Variants in ZFC3H1 observed in about 807,000 individuals in gnomAD.
The protein encoded by ZFC3H1 is zinc finger C3H1 domain-containing protein.
In ZFC3H1, 71 loss-of-function variants were observed where a neutral mutation model predicts 243.7. The observed-to-expected ratio is 0.29, with a 90% confidence interval of 0.24 to 0.36. The LOEUF is 0.36. ZFC3H1 is among the 10% of genes least tolerant of loss of function. ZFC3H1 has a pLI of 1.00. For synonymous variants in ZFC3H1, 838 were observed against 813.0 expected (o/e 1.03, Z -0.52); for missense variants, 1,966 against 2,317.1 (o/e 0.85, Z 3.11).
At chr12:71,658,398 C>T (rs1881077926) in intron 1 of ZFC3H1, among the ~76,000 whole-genome samples, 1 of 148,322 alleles carries the variant, frequency 6.7e-6, no homozygotes, top group African/African-American at 2.5e-5. Flanking sequence ...AAGCAATTCT[C>T]CTGTCTCAGC....
intron 21 of ZFC3H1, 79 bp downstream of exon 21, chr12:71,627,672 G>C: frequency 7.3e-7 from 1 of 1,372,746 alleles, no homozygotes; most frequent in Non-Finnish European, 1.0e-6. Context: ...AAACCTGACT[G>C]ATTACCATAG....
rs12300097 is a variant in ZFC3H1, at chr12:71,623,639, G to A, written c.4507-42C>T. 4.3e-4 allele frequency: 583 copies of A among 1,361,352 alleles called. 5 individuals carry two copies. In the African/African-American group the frequency reaches 7.8e-3, roughly 18 times the overall value. The allele number at this position is 1,361,352 out of a possible 1,614,324, so 84.3% of individuals were successfully genotyped here. On this transcript the variant is annotated intron_variant, in intron 23 of 34. Transcript: ENST00000378743. ...ATTTTTTGATAAAAAAATTAGAGAT[G>A]TCAGTACCAGATTAACATAATTTTT...
chr12:71,635,128 T>C (rs565613523), intron 10 of ZFC3H1, among the ~76,000 whole-genome samples: 2 of 152,248 alleles, frequency 1.3e-5, no homozygotes, highest in South Asian at 2.1e-4. Context: ...ATAAAAACTG[T>C]TTTCTGGTAA....
Position 71,636,853 on chromosome 12 carries a change from T to C in ZFC3H1, c.1932A>G (p.Pro644=). Reference sequence around the variant, plus strand: ...GAGGTTTAGGTACCTAAATTACCTCTGGCTTAAAAGCTCTTTTATTTGCTA... The same window carrying C: ...GAGGTTTAGGTACCTAAATTACCTCCGGCTTAAAAGCTCTTTTATTTGCTA... ...KSLANKRAFK[P]EETSSNSDPP... is the part of the protein sequence containing the mutation. Residue 644 remains proline (P), a synonymous_variant, in exon 8 of 35, where the codon CCA becomes CCG. Transcript: ENST00000378743. 6.2e-7 allele frequency: 1 copy of C among 1,613,894 alleles called. No individual in the cohort carries two copies. The highest frequency in any genetic ancestry group is 8.5e-7 in the Non-Finnish European group (1 of 1,179,888).
rs187858363 is a variant in ZFC3H1 at position 71,629,328 on chromosome 12, G to A, written c.3826+281C>T. On this transcript the variant is annotated intron_variant, in intron 19 of 34. Coordinates refer to ENST00000378743, the MANE Select transcript of ZFC3H1 (RefSeq NM_144982.5). Reference sequence around the variant, plus strand: ...CTGCAGGCACACGCCACCACCACCCGGCTAATTTTTCTATTTTTAGTAGAG... The same window carrying A: ...CTGCAGGCACACGCCACCACCACCCAGCTAATTTTTCTATTTTTAGTAGAG... 1.7e-3 allele frequency among the ~76,000 whole-genome samples: 265 copies of A among 151,622 alleles called. 1 individual carries two copies. Among genetic ancestry groups the A allele is most frequent in the Middle Eastern group, 6.8e-3 (2 of 292 alleles).
intron 7 of ZFC3H1, 84 bp downstream of exon 7, chr12:71,638,334 T>A: frequency 7.4e-7 from 1 of 1,358,522 alleles, no homozygotes; most frequent in Non-Finnish European, 1.0e-6. Flanking sequence ...TTTTAAGCCC[T>A]CTTCAAACCT....
intron 28 of ZFC3H1, 101 bp downstream of exon 28, chr12:71,615,105 G>T: frequency 1.7e-6 from 2 of 1,179,624 alleles, no homozygotes; most frequent in South Asian, 1.4e-5. Context: ...GTGCTTCAAT[G>T]ACTTTAACAT....
At chr12:71,626,939 G>A (rs1318087556) in intron 21 of ZFC3H1, among the ~76,000 whole-genome samples, 1 of 152,100 alleles carries the variant, frequency 6.6e-6, no homozygotes, top group Non-Finnish European at 1.5e-5. Context: ...ATAATGTATG[G>A]TTCTTTTGGC....
chr12:71,648,649 C>T (rs1035130857), intron 2 of ZFC3H1, among the ~76,000 whole-genome samples: 10 of 152,114 alleles, frequency 6.6e-5, no homozygotes, highest in Non-Finnish European at 1.3e-4. Flanking sequence ...CCAAAGAATA[C>T]GTGACTTATT....
chr12:71,651,458 T>C (rs1180267868), intron 2 of ZFC3H1, among the ~76,000 whole-genome samples: 1 of 152,154 alleles, frequency 6.6e-6, no homozygotes, highest in Non-Finnish European at 1.5e-5. Context: ...CATGAAAACA[T>C]AAGTGACTAT....
rs1879741704 is a variant in ZFC3H1, at chr12:71,610,470, G to A, written c.5928C>T (p.Leu1976=). 3 of 1,613,524 alleles carry A rather than the reference G, an allele frequency of 1.9e-6. No individual in the cohort carries two copies. Among genetic ancestry groups the A allele is most frequent in the Non-Finnish European group, 2.5e-6 (3 of 1,179,596 alleles). Residue 1976 remains leucine (L), a synonymous_variant, in exon 35 of 35, where the codon CTC becomes CTT. Transcript: ENST00000378743. Reference sequence around the variant, plus strand: ...CTGTTTTGTTACTGTTTAAATTTAAGAGCTCATTTAGGCTGACTCCAATCT... The same window carrying A: ...CTGTTTTGTTACTGTTTAAATTTAAAAGCTCATTTAGGCTGACTCCAATCT... ...CQEIGVSLNE[L]LNLNSNKTES...
Position 71,632,523 on chromosome 12 carries a change from G to C in ZFC3H1, c.2818-9C>G. On this transcript the variant is annotated splice_polypyrimidine_tract_variant and intron_variant, in intron 14 of 34. Transcript: ENST00000378743. ...CTCATCATTTTGTTTGGCTAAGGGA[G>C]AAAAATGATACACGTATTTTACATC... is the stretch of plus-strand genomic sequence containing the variant. 6.5e-7 allele frequency: 1 copy of C among 1,535,520 alleles called. No individual in the cohort carries two copies. Among genetic ancestry groups the C allele is most frequent in the Non-Finnish European group, 8.7e-7 (1 of 1,154,796 alleles).
intron 6 of ZFC3H1, 64 bp downstream of exon 6, chr12:71,642,372 C>T (rs1367013688): frequency 2.6e-6 from 4 of 1,522,110 alleles, no homozygotes; most frequent in Admixed American, 2.0e-5. Context: ...GTTTTGAGTA[C>T]CATAATGACT....
chr12:71,650,113 G>A (rs1311488055), intron 2 of ZFC3H1, among the ~76,000 whole-genome samples: 1 of 152,106 alleles, frequency 6.6e-6, no homozygotes, highest in Non-Finnish European at 1.5e-5. Context: ...GTGTGAACCT[G>A]GGAGGTGGAG....
At chr12:71,650,939 T>G (rs899007263) in intron 2 of ZFC3H1, among the ~76,000 whole-genome samples, 13 of 152,188 alleles carry the variant, frequency 8.5e-5, no homozygotes, top group African/African-American at 3.1e-4. Context: ...CATTATTCAT[T>G]CCCCTCACTC....
intron 6 of ZFC3H1, among the ~76,000 whole-genome samples, chr12:71,640,792 C>G (rs976600674): frequency 2.3e-4 from 35 of 152,144 alleles, no homozygotes; most frequent in African/African-American, 7.2e-4. Flanking sequence ...AATAAATAAC[C>G]TTCTGGCAAT....
At chr12:71,618,871 C>G (rs537685592) in intron 27 of ZFC3H1, among the ~76,000 whole-genome samples, 4 of 152,104 alleles carry the variant, frequency 2.6e-5, no homozygotes, top group Admixed American at 2.6e-4. Context: ...ACGTCTTACT[C>G]TATAACATTT....
rs1881044363 is a variant in ZFC3H1, at chr12:71,657,241, C to G, written c.659G>C (p.Cys220Ser). ...KQNYSSKNEN[C>S]VEETFEDLLL... ...CAAATCTTCAAAAGTTTCTTCCACA[C>G]AGTTTTCATTTTTTGATGAATAATT... The change falls in exon 2 of 35, where the codon TGT becomes TCT. Residue 220 changes from cysteine to serine, a missense_variant. Coordinates refer to ENST00000378743, the MANE Select transcript of ZFC3H1 (RefSeq NM_144982.5). 3 of 1,594,596 alleles carry G rather than the reference C, an allele frequency of 1.9e-6. No individual in the cohort carries two copies. The highest frequency in any genetic ancestry group is 1.8e-5 in the Admixed American group (1 of 55,422).
chr12:71,644,645 C>T (rs937464558), intron 4 of ZFC3H1, among the ~76,000 whole-genome samples: 1 of 152,070 alleles, frequency 6.6e-6, no homozygotes, highest in Non-Finnish European at 1.5e-5. Context: ...CGCCAAACCC[C>T]GTCTCTACTA....
Sources: gnomAD v4.1 joint callset for allele counts (sites outside exome capture counted in the v4.1 genomes callset) on GRCh38, gnomAD v4.1.1 for gene constraint, MANE v1.5 for transcripts, NCBI Gene and HGNC (gene_info 2026-07-23, HGNC 2026-07-21) for gene names.